Variants in GINM1 observed in about 807,000 individuals in gnomAD.
GINM1 encodes the protein glycosylated integral membrane protein 1.
GINM1 carries 29 observed loss-of-function variants against 37.8 expected under a neutral mutation model. The observed-to-expected ratio is 0.77, with a 90% CI of 0.57 to 1.05. GINM1 has a LOEUF of 1.05. Ranked by LOEUF, GINM1 falls within the 50% of genes least tolerant of loss-of-function variation. The probability of loss-of-function intolerance (pLI) is 0.00; values close to 1 mark genes in which losing one functional copy is unlikely to be tolerated. For missense variants in GINM1, 377 were observed against 397.9 expected (o/e 0.95, Z 0.45); for synonymous variants, 143 against 146.2 (o/e 0.98, Z 0.16).
intron 1 of GINM1, among the ~76,000 whole-genome samples, chr6:149,567,495 G>T (rs1001643868): frequency 3.9e-5 from 6 of 152,126 alleles, no homozygotes; most frequent in Non-Finnish European, 5.9e-5. Context: ...AGAAAAATTA[G>T]CTGGGCGTGG....
intron 1 of GINM1, among the ~76,000 whole-genome samples, chr6:149,571,729 A>G (rs1582731881): frequency 2.6e-5 from 4 of 152,106 alleles, no homozygotes; most frequent in South Asian, 4.2e-4. Flanking sequence ...TTTAAACTCT[A>G]TATTTGCATA....
chr6:149,572,189 T>C, intron 1 of GINM1, 96 bp from the exon 2 acceptor site: 1 of 667,022 alleles, frequency 1.5e-6, no homozygotes, highest in East Asian at 2.7e-5. Flanking sequence ...TATAAGTGAT[T>C]GTACAATAGA....
rs957437135 is a variant in GINM1, at chr6:149,579,970, T to C, written c.566T>C (p.Leu189Pro). The C allele has an allele frequency of 6.3e-7, 1 of 1,589,350 alleles. No homozygotes were observed. The highest frequency in any genetic ancestry group is 8.5e-7 in the Non-Finnish European group (1 of 1,170,614). ...ISRDSDILFT[L>P]PNLSKKESVS... is the part of the protein sequence containing the mutation. ...CGAGACAGTGACATTTTATTTACCC[T>C]TCCTAACCTCTCCAAAAAAGGTAAC... Residue 189 changes from leucine to proline, a missense_variant, in exon 5 of 8, where the codon CTT becomes CCT. Coordinates refer to ENST00000367419, the MANE Select transcript of GINM1 (RefSeq NM_138785.5).
intron 4 of GINM1, 125 bp downstream of exon 4, chr6:149,579,098 T>A: frequency 2.0e-6 from 1 of 491,172 alleles, no homozygotes; most frequent in Non-Finnish European, 3.5e-6. Context: ...GTTGCCTATA[T>A]CCAATTATTT....
chr6:149,571,674 T>C (rs1353264239), intron 1 of GINM1, among the ~76,000 whole-genome samples: 1 of 152,124 alleles, frequency 6.6e-6, no homozygotes, highest in African/African-American at 2.4e-5. Context: ...GTAGGGGTAA[T>C]ATTTTATATT....
Position 149,582,596 on chromosome 6 carries a change from G to T in GINM1, c.874G>T (p.Glu292Ter). ...CTTAAAGGTGTTTTTCCCAGTTTCT[G>T]AATACAAGTAAGTATTTCTTATTTT... ...TILKVFFPVS[E>*]YKGILQLDKV... The change falls in exon 7 of 8, where the codon GAA (glutamate) becomes TAA (stop). Residue 292 changes from glutamate to a stop codon, truncating the protein, a stop_gained. Transcript: ENST00000367419. LOFTEE classifies it high-confidence loss of function. The T allele has an allele frequency of 6.4e-7, 1 of 1,569,830 alleles. No individual in the cohort carries two copies. Among genetic ancestry groups the T allele is most frequent in the South Asian group, 1.2e-5 (1 of 83,374 alleles).
In GINM1 at chr6:149,591,557, C is replaced by A. The variant is rs1037623344; in HGVS notation, c.*719C>A. 16 of 151,962 alleles carry A rather than the reference C, an allele frequency of 1.1e-4. No homozygotes were observed. The allele number at this position is 151,962 out of a possible 1,614,324, so 9.4% of individuals were successfully genotyped here. A position where few individuals can be genotyped will look rare whatever the true frequency, so the allele number is the denominator to read the frequency against. ...CTAATTTAAAAGGTCAAGAACTTAACACTTATTTTTTTATTCAGTACAGTG... is the reference window on the plus strand; with the variant it reads ...CTAATTTAAAAGGTCAAGAACTTAAAACTTATTTTTTTATTCAGTACAGTG... On this transcript the variant is annotated 3_prime_UTR_variant, in exon 8 of 8. Transcript: ENST00000367419.
Position 149,579,831 on chromosome 6 carries a change from C to G in GINM1, c.430-3C>G. 5.1e-6 allele frequency: 8 copies of G among 1,567,366 alleles called. No homozygotes were observed. Among genetic ancestry groups the G allele is most frequent in the Non-Finnish European group, 6.9e-6 (8 of 1,156,272 alleles). ...TAAAGAATAATTATATTTTCTTTCA[C>G]AGGTTCAGCAAAAGGATGTCACTGA... On this transcript the variant is annotated splice_polypyrimidine_tract_variant and splice_region_variant and intron_variant, in intron 4 of 7. Transcript: ENST00000367419.
chr6:149,567,153 G>A (rs573250207), intron 1 of GINM1, among the ~76,000 whole-genome samples: 2 of 152,242 alleles, frequency 1.3e-5, no homozygotes, highest in Non-Finnish European at 2.9e-5. Context: ...CTGGGGGCGG[G>A]GCCCAGCAGT....
At chr6:149,573,290 G>T (rs1777858215) in intron 3 of GINM1, among the ~76,000 whole-genome samples, 1 of 151,984 alleles carries the variant, frequency 6.6e-6, no homozygotes, top group Non-Finnish European at 1.5e-5. Context: ...GAGCAACAGA[G>T]CAAGGCTCCG....
rs1445257836 is a variant in GINM1, at chr6:149,579,842, A to G, written c.438A>G (p.Gln146=). ...VVEIDGKQVQ[Q]KDVTEIDILV... ...TATATTTTCTTTCACAGGTTCAGCA[A>G]AAGGATGTCACTGAAATTGATATTT... is the stretch of plus-strand genomic sequence containing the variant. The change falls in exon 5 of 8, where the codon CAA becomes CAG. Residue 146 remains glutamine (Q), a synonymous_variant. Transcript: ENST00000367419. 1 of 1,590,454 alleles carries G rather than the reference A, an allele frequency of 6.3e-7. No homozygotes were observed. The highest frequency in any genetic ancestry group is 2.2e-5 in the East Asian group (1 of 44,558).
intron 1 of GINM1, among the ~76,000 whole-genome samples, chr6:149,568,858 C>T (rs1158551393): frequency 6.6e-6 from 1 of 151,708 alleles, no homozygotes; most frequent in East Asian, 1.9e-4. Context: ...GACGGAATAT[C>T]TCGCTCTGTC....
chr6:149,586,630 CTG>C (rs1169778274), intron 7 of GINM1, among the ~76,000 whole-genome samples: 1 of 152,242 alleles, frequency 6.6e-6, no homozygotes, highest in African/African-American at 2.4e-5. Flanking sequence ...TGTGGTGCCT[CTG>C]TGAGTTTGCT....
At chr6:149,583,651 G>C (rs1183190249) in intron 7 of GINM1, among the ~76,000 whole-genome samples, 1 of 147,774 alleles carries the variant, frequency 6.8e-6, no homozygotes, top group South Asian at 2.1e-4. Context: ...AAAAGTAAAA[G>C]CAAAATAAAA....
At chr6:149,573,933 C>T (rs1413127237) in intron 3 of GINM1, among the ~76,000 whole-genome samples, 1 of 151,318 alleles carries the variant, frequency 6.6e-6, no homozygotes, top group Non-Finnish European at 1.5e-5. Context: ...GTCAGTAGAA[C>T]ATTTTCTTTT....
chr6:149,573,417 A>G (rs963975189), intron 3 of GINM1, among the ~76,000 whole-genome samples: 3 of 152,224 alleles, frequency 2.0e-5, no homozygotes, highest in African/African-American at 7.2e-5. Context: ...TGACAGAACA[A>G]GACCCCATCT....
intron 7 of GINM1, among the ~76,000 whole-genome samples, chr6:149,587,937 T>C (rs577469342): frequency 1.3e-5 from 2 of 152,282 alleles, no homozygotes; most frequent in African/African-American, 4.8e-5. Context: ...ACTTTGGAGA[T>C]TTAAGGATTT....
chr6:149,583,054 C>G (rs529319634), intron 7 of GINM1, among the ~76,000 whole-genome samples: 5 of 152,176 alleles, frequency 3.3e-5, no homozygotes, highest in Admixed American at 1.3e-4. Context: ...ATAGGCTGGG[C>G]ACGGTGGCTC....
chr6:149,578,756 A>G, intron 3 of GINM1, 66 bp from the exon 4 acceptor site: 4 of 1,106,144 alleles, frequency 3.6e-6, no homozygotes, highest in Non-Finnish European at 2.6e-6. Flanking sequence ...CATCAAAATA[A>G]TCACACTCAC....
Sources: gnomAD v4.1 joint callset for allele counts (sites outside exome capture counted in the v4.1 genomes callset) on GRCh38, gnomAD v4.1.1 for gene constraint, MANE v1.5 for transcripts, NCBI Gene and HGNC (gene_info 2026-07-23, HGNC 2026-07-21) for gene names.